The following CNTN5 variants were observed in gnomAD, a reference collection of about 807,000 sequenced individuals.
The protein encoded by CNTN5 is contactin 5.
In CNTN5, 77 loss-of-function variants were observed where a neutral mutation model predicts 129.1. The ratio of observed to expected loss-of-function variants is 0.60; its 90% confidence interval spans 0.50 to 0.72. The LOEUF (loss-of-function observed/expected upper bound fraction) is 0.72. Among genes scored for constraint, CNTN5 ranks in the 30% least tolerant of loss-of-function variants. The pLI, the probability that CNTN5 is intolerant of heterozygous loss-of-function variation, is 0.00. For synonymous variants in CNTN5, 509 were observed against 465.6 expected, an observed-to-expected ratio of 1.09 and a Z score of -1.20; for missense variants, 1,478 against 1,328.8, an observed-to-expected ratio of 1.11 and a Z score of -1.75.
At chr11:99,482,416 T>C (rs1230438260) in intron 2 of CNTN5, among the ~76,000 whole-genome samples, 1 of 152,192 alleles carries the variant, frequency 6.6e-6, no homozygotes, top group African/African-American at 2.4e-5. Context: ...TTTGTATCTA[T>C]GTTGGATCTG....
At chr11:100,185,413 C>A (rs1948270084) in intron 13 of CNTN5, among the ~76,000 whole-genome samples, 1 of 152,088 alleles carries the variant, frequency 6.6e-6, no homozygotes, top group Admixed American at 6.6e-5. Flanking sequence ...AGAGACTGAC[C>A]CCTAAGAACT....
chr11:99,598,356 CTCTCTCTCTCTCT>C (rs1950203264), intron 3 of CNTN5, among the ~76,000 whole-genome samples: 2 of 45,916 alleles, frequency 4.4e-5, no homozygotes, highest in South Asian at 1.8e-3. Context: ...CTCTCTCTCT[CTCTCTCTCTCTCT>C]CTCTCCCTCT....
chr11:99,212,229 TA>T (rs1169475765), intron 1 of CNTN5, among the ~76,000 whole-genome samples: 1 of 152,136 alleles, frequency 6.6e-6, no homozygotes, highest in Non-Finnish European at 1.5e-5. Flanking sequence ...CCATTTTACA[TA>T]AAAACTTATA....
intron 6 of CNTN5, among the ~76,000 whole-genome samples, chr11:99,898,353 A>G (rs1478205894): frequency 6.6e-6 from 1 of 152,024 alleles, no homozygotes. Flanking sequence ...GATTCAAATA[A>G]GTACAATTGG....
intron 3 of CNTN5, among the ~76,000 whole-genome samples, chr11:99,668,315 C>T (rs975256390): frequency 1.3e-5 from 2 of 152,122 alleles, no homozygotes; most frequent in African/African-American, 4.8e-5. Context: ...GCTAATTGAT[C>T]ACTTACCTCT....
intron 3 of CNTN5, among the ~76,000 whole-genome samples, chr11:99,637,372 G>A (rs918750089): frequency 3.3e-5 from 5 of 151,986 alleles, no homozygotes; most frequent in African/African-American, 7.3e-5. Context: ...AAAAATTAGC[G>A]TTGTATATAG....
At chr11:100,215,260 A>G (rs1346822673) in intron 15 of CNTN5, among the ~76,000 whole-genome samples, 1 of 152,172 alleles carries the variant, frequency 6.6e-6, no homozygotes, top group Non-Finnish European at 1.5e-5. Flanking sequence ...AAGCCTTCTT[A>G]TGATCCAGCC....
chr11:100,155,979 T>C (rs1476600425), intron 13 of CNTN5, among the ~76,000 whole-genome samples: 2 of 152,016 alleles, frequency 1.3e-5, no homozygotes, highest in Non-Finnish European at 2.9e-5. Context: ...TGTCTTCCTA[T>C]TTTAATACCC....
chr11:99,207,348 T>C (rs1182837948), intron 1 of CNTN5, among the ~76,000 whole-genome samples: 1 of 152,150 alleles, frequency 6.6e-6, no homozygotes, highest in Non-Finnish European at 1.5e-5. Flanking sequence ...GGTGAATTAA[T>C]CCTCAGAGGA....
chr11:99,431,985 G>A (rs1225973562), intron 2 of CNTN5, among the ~76,000 whole-genome samples: 1 of 152,158 alleles, frequency 6.6e-6, no homozygotes, highest in African/African-American at 2.4e-5. Flanking sequence ...GACGAAAGGA[G>A]CAGGTGGGGG....
At chr11:99,738,645 G>T (rs1020282690) in intron 3 of CNTN5, among the ~76,000 whole-genome samples, 1 of 151,378 alleles carries the variant, frequency 6.6e-6, no homozygotes, top group Non-Finnish European at 1.5e-5. Context: ...GTGTGTGTAT[G>T]TGTGTGTAGA....
chr11:99,608,461 T>C lies in CNTN5; in HGVS notation c.55+52192T>C, dbSNP rs186828356. Among the ~76,000 whole-genome samples the C allele has an allele frequency of 2.1e-3, 323 of 152,312 alleles. 1 individual carries two copies. The highest frequency in any genetic ancestry group is 7.1e-3 in the African/African-American group (293 of 41,560). ...TCAGAATGTGACTTTATTTGGAGATTGGGCCTTTACAGAGGTAATCAATGT... is the reference window on the plus strand; with the variant it reads ...TCAGAATGTGACTTTATTTGGAGATCGGGCCTTTACAGAGGTAATCAATGT... On this transcript the variant is annotated intron_variant, in intron 3 of 24. Coordinates refer to ENST00000524871, the MANE Select transcript of CNTN5 (RefSeq NM_014361.4).
chr11:100,092,328 G>A (rs6590589), intron 13 of CNTN5, among the ~76,000 whole-genome samples: 66,078 of 151,878 alleles, frequency 0.44, 16,384 homozygotes, highest in African/African-American at 0.69. Flanking sequence ...TCATTTACCC[G>A]GTGAAGCATC....
At chr11:99,250,644 T>G (rs1402411344) in intron 1 of CNTN5, among the ~76,000 whole-genome samples, 1 of 151,930 alleles carries the variant, frequency 6.6e-6, no homozygotes, top group East Asian at 1.9e-4. Context: ...GGGATTCACA[T>G]TTTTCTTGTA....
At chr11:99,451,344 A>G (rs1218848260) in intron 2 of CNTN5, among the ~76,000 whole-genome samples, 1 of 152,180 alleles carries the variant, frequency 6.6e-6, no homozygotes, top group Non-Finnish European at 1.5e-5. Flanking sequence ...TGAAATTCAC[A>G]TTAGCCGATT....
At chr11:99,549,540 A>G (rs544406347) in intron 2 of CNTN5, among the ~76,000 whole-genome samples, 3 of 152,214 alleles carry the variant, frequency 2.0e-5, no homozygotes, top group African/African-American at 7.2e-5. Context: ...TAGCTTTCAC[A>G]TCTAGTACGT....
intron 2 of CNTN5, among the ~76,000 whole-genome samples, chr11:99,407,733 G>A (rs1393923759): frequency 6.6e-6 from 1 of 152,146 alleles, no homozygotes; most frequent in African/African-American, 2.4e-5. Context: ...GGGAATTCAA[G>A]TTCTGACTGT....
intron 21 of CNTN5, among the ~76,000 whole-genome samples, chr11:100,314,108 C>A (rs60273368): frequency 1.3e-5 from 2 of 152,050 alleles, no homozygotes; most frequent in Non-Finnish European, 2.9e-5. Flanking sequence ...GGCAAGGGAA[C>A]GTCATTTCAG....
At chr11:99,245,954 A>G (rs1380551727) in intron 1 of CNTN5, among the ~76,000 whole-genome samples, 1 of 152,140 alleles carries the variant, frequency 6.6e-6, no homozygotes, top group Admixed American at 6.5e-5. Flanking sequence ...ACCATTGAGA[A>G]CCCACTGATC....
Sources: allele counts gnomAD v4.1 joint callset (sites outside exome capture counted in the v4.1 genomes callset), GRCh38; gene constraint gnomAD v4.1.1; transcripts MANE v1.5; gene names NCBI Gene and HGNC (gene_info 2026-07-23, HGNC 2026-07-21).